BBC3: variants seen among roughly 807,000 people sequenced by gnomAD.
BBC3 encodes bcl-2-binding component 3.
In BBC3, 5 loss-of-function variants were observed where a neutral mutation model predicts 18.2. The ratio of observed to expected loss-of-function variants is 0.27; its 90% confidence interval spans 0.14 to 0.58. The LOEUF (loss-of-function observed/expected upper bound fraction) is 0.58. Ranked by LOEUF, BBC3 falls within the 20% of genes least tolerant of loss-of-function variation. The pLI, the probability that BBC3 is intolerant of heterozygous loss-of-function variation, is 0.91. For missense variants in BBC3, 224 were observed against 268.9 expected (o/e 0.83, Z 1.17); for synonymous variants, 119 against 128.0 (o/e 0.93, Z 0.47).
intron 3 of BBC3, among the ~76,000 whole-genome samples, chr19:47,224,500 C>A (rs1001693661): frequency 3.3e-5 from 5 of 149,924 alleles, no homozygotes; most frequent in South Asian, 2.1e-4. Context: ...GGTGGATCTG[C>A]CTGTGGTCCC....
intron 3 of BBC3, among the ~76,000 whole-genome samples, chr19:47,224,756 A>C (rs2058791700): frequency 6.9e-6 from 1 of 145,034 alleles, no homozygotes; most frequent in Admixed American, 6.8e-5. Context: ...TTTGAGACAG[A>C]GTTTCATTCT....
chr19:47,221,698 A>G lies in BBC3; in HGVS notation c.*104T>C. 1 of 1,571,484 alleles carries G rather than the reference A, an allele frequency of 6.4e-7. No individual in the cohort carries two copies. Among genetic ancestry groups the G allele is most frequent in the Non-Finnish European group, 8.6e-7 (1 of 1,163,998 alleles). On this transcript the variant is annotated 3_prime_UTR_variant, in exon 4 of 4. Coordinates refer to ENST00000439096, the MANE Select transcript of BBC3 (RefSeq NM_014417.5). Reference sequence around the variant, plus strand: ...GGACAGGCAGGGCTGGGAGTCCAGTATGCTACATGGTGCAGAGAAAGTCCC... The same window carrying G: ...GGACAGGCAGGGCTGGGAGTCCAGTGTGCTACATGGTGCAGAGAAAGTCCC...
At position 47,226,618 on chromosome 19, in the gene BBC3, G is replaced by A; in HGVS notation, c.411C>T (p.Ile137=). The A allele has an allele frequency of 1.3e-6, 2 of 1,575,358 alleles. No individual in the cohort carries two copies. The highest frequency in any genetic ancestry group is 2.5e-5 in the East Asian group (1 of 40,668). ...CCGCCATCCGCCGCAGCTGGGCCCC[G>A]ATCTCCCGGGCCCACTGTTCCTCCT... ...RGEEEQWARE[I]GAQLRRMADD... is the part of the protein sequence containing the mutation. The change falls in exon 3 of 4, where the codon ATC becomes ATT. Residue 137 remains isoleucine, a synonymous_variant. Transcript: ENST00000439096.
At chr19:47,231,620 C>A (rs978871965), upstream of BBC3, among the ~76,000 whole-genome samples, 5 of 152,160 alleles carry the variant, frequency 3.3e-5, no homozygotes, top group African/African-American at 1.2e-4. This position sits in a 1 kb window ranked among gnomAD's most constrained non-coding sequence, Gnocchi z 4.0. Context: ...GCCACAGTCT[C>A]GCAAATCCAC....
chr19:47,225,855 G>A (rs62135089), intron 3 of BBC3, among the ~76,000 whole-genome samples: 2,587 of 152,302 alleles, frequency 0.017, 33 homozygotes, highest in Non-Finnish European at 0.026. Context: ...AGGCCAACTC[G>A]AGAGATTTCC....
In BBC3 at chr19:47,228,701, G is replaced by T. The variant is rs541681053; in HGVS notation, c.-15-255C>A. 9.2e-5 allele frequency among the ~76,000 whole-genome samples: 14 copies of T among 152,072 alleles called. No homozygotes were observed. Among genetic ancestry groups the T allele is most frequent in the African/African-American group, 3.4e-4 (14 of 41,480 alleles). ...GGCACAGGACGGCTCTCACAGCAAG[G>T]ACAGGGCTCACACAGGACGGATGGA... On this transcript the variant is annotated intron_variant, in intron 1 of 3. Coordinates refer to ENST00000439096, the MANE Select transcript of BBC3 (RefSeq NM_014417.5). This position sits in a 1 kb window ranked among gnomAD's most constrained non-coding sequence, Gnocchi z 5.5.
At position 47,230,412 on chromosome 19, in the gene BBC3, G is replaced by A. The variant is rs1335705732; in HGVS notation, c.-16+517C>T. Reference sequence around the variant, plus strand: ...CTCCGCTGTCACAGCCCCCCCCACCGCCGCCACGTGCGCCCGCCCCGCCCG... The same window carrying A: ...CTCCGCTGTCACAGCCCCCCCCACCACCGCCACGTGCGCCCGCCCCGCCCG... On this transcript the variant is annotated intron_variant, in intron 1 of 3. Coordinates refer to ENST00000439096, the MANE Select transcript of BBC3 (RefSeq NM_014417.5). This position sits in a 1 kb window ranked among gnomAD's most constrained non-coding sequence, Gnocchi z 6.7. Among the ~76,000 whole-genome samples the A allele has an allele frequency of 7.1e-6, 1 of 141,496 alleles. No individual in the cohort carries two copies. The highest frequency in any genetic ancestry group is 1.6e-5 in the Non-Finnish European group (1 of 63,460). The allele number at this position is 141,496 out of a possible 152,430, so 92.8% of individuals were successfully genotyped here. A position where few individuals can be genotyped will look rare whatever the true frequency, so the allele number is the denominator to read the frequency against.
chr19:47,227,685 A>G (rs548351452), intron 2 of BBC3, among the ~76,000 whole-genome samples: 2 of 151,722 alleles, frequency 1.3e-5, no homozygotes, highest in South Asian at 4.2e-4. Flanking sequence ...TCCCAACACA[A>G]TGGCCCCTCC....
intron 2 of BBC3, chr19:47,227,319 C>G (rs867817236): frequency 7.3e-6 from 1 of 137,040 alleles, no homozygotes. Flanking sequence ...CTGCCCCCCC[C>G]CCCCCCCCAC....
chr19:47,228,647 A>G lies in BBC3; in HGVS notation c.-15-201T>C, dbSNP rs573266890. On this transcript the variant is annotated intron_variant, in intron 1 of 3. Transcript: ENST00000439096. The surrounding 1 kb of genome is among the most constrained non-coding windows in gnomAD (Gnocchi z 5.5). ...CTGGCCTGGAGAGCCTCCCGTGCATACGGTGATGGGCACACAGGAGGGACA... is the reference window on the plus strand; with the variant it reads ...CTGGCCTGGAGAGCCTCCCGTGCATGCGGTGATGGGCACACAGGAGGGACA... Among the ~76,000 whole-genome samples, 7 of 152,144 alleles carry G rather than the reference A, an allele frequency of 4.6e-5. No homozygotes were observed. The highest frequency in any genetic ancestry group is 4.6e-4 in the Admixed American group (7 of 15,292).
chr19:47,227,311 G>GCA (rs2058841838), intron 2 of BBC3: 6 of 89,228 alleles, frequency 6.7e-5, no homozygotes, highest in African/African-American at 2.4e-4. Flanking sequence ...ATGCCTTCCT[G>GCA]CCCCCCCCCC....
rs1600232529 is a variant in BBC3 at position 47,221,692 on chromosome 19, T to G, written c.*110A>C. ...CCCCCGGGACAGGCAGGGCTGGGAG[T>G]CCAGTATGCTACATGGTGCAGAGAA... On this transcript the variant is annotated 3_prime_UTR_variant, in exon 4 of 4. Transcript: ENST00000439096. 6.4e-7 allele frequency: 1 copy of G among 1,551,712 alleles called. No homozygotes were observed. The highest frequency in any genetic ancestry group is 8.7e-7 in the Non-Finnish European group (1 of 1,155,902).
chr19:47,223,881 C>T (rs1489758187), intron 3 of BBC3, among the ~76,000 whole-genome samples: 4 of 152,158 alleles, frequency 2.6e-5, no homozygotes, highest in Non-Finnish European at 5.9e-5. Flanking sequence ...CTGTGGGTGC[C>T]ACCTGGTGAG....
chr19:47,231,524 T>C (rs1015907000), upstream of BBC3, among the ~76,000 whole-genome samples: 46 of 151,950 alleles, frequency 3.0e-4, no homozygotes, highest in Non-Finnish European at 7.4e-5. This position sits in a 1 kb window ranked among gnomAD's most constrained non-coding sequence, Gnocchi z 4.0. Flanking sequence ...CCCCCAGCGA[T>C]GCGTACACAG....
At chr19:47,231,358 CCT>C (rs1365925510), upstream of BBC3, 2 of 290,332 alleles carry the variant, frequency 6.9e-6, no homozygotes, top group Non-Finnish European at 1.0e-5. The surrounding 1 kb of genome is among the most constrained non-coding windows in gnomAD (Gnocchi z 4.0). Context: ...CGCGCCCCCC[CCT>C]ACCTCCGCGC....
At position 47,230,511 on chromosome 19, in the gene BBC3, G is replaced by C. The variant is rs1439453317; in HGVS notation, c.-16+418C>G. Among the ~76,000 whole-genome samples, 1 of 150,930 alleles carries C rather than the reference G, an allele frequency of 6.6e-6. No homozygotes were observed. The highest frequency in any genetic ancestry group is 2.4e-5 in the African/African-American group (1 of 41,180). ...CGCCCGCAGGAGCCGCAGACTCCACGGCCCGCGAGCCGCCCCCCGTCGCCG... is the reference window on the plus strand; with the variant it reads ...CGCCCGCAGGAGCCGCAGACTCCACCGCCCGCGAGCCGCCCCCCGTCGCCG... On this transcript the variant is annotated intron_variant, in intron 1 of 3. Coordinates refer to ENST00000439096, the MANE Select transcript of BBC3 (RefSeq NM_014417.5). The surrounding 1 kb of genome is among the most constrained non-coding windows in gnomAD (Gnocchi z 6.7).
intron 3 of BBC3, among the ~76,000 whole-genome samples, chr19:47,224,255 A>G (rs2058785334): frequency 6.6e-6 from 1 of 152,096 alleles, no homozygotes; most frequent in African/African-American, 2.4e-5. Context: ...AGATTGCACC[A>G]TTGCACTCCA....
intron 3 of BBC3, among the ~76,000 whole-genome samples, chr19:47,225,972 TTCAAACTGAACA>T (rs1227031240): frequency 6.6e-6 from 1 of 152,158 alleles, no homozygotes; most frequent in African/African-American, 2.4e-5. Flanking sequence ...GGGTGTAATG[TTCAAACTGAACA>T]GAGCTGCCTG....
intron 3 of BBC3, among the ~76,000 whole-genome samples, chr19:47,223,863 T>C (rs1372663455): frequency 6.6e-6 from 1 of 152,158 alleles, no homozygotes; most frequent in Non-Finnish European, 1.5e-5. Context: ...CCCACCACTG[T>C]CACACTGCTG....
Sources: allele counts gnomAD v4.1 joint callset (sites outside exome capture counted in the v4.1 genomes callset), GRCh38; gene constraint gnomAD v4.1.1; non-coding constraint Gnocchi (gnomAD v3.1); transcripts MANE v1.5; gene names NCBI Gene and HGNC (gene_info 2026-07-23, HGNC 2026-07-21).